DLG2: variants seen among roughly 807,000 people sequenced by gnomAD.
DLG2 encodes the protein discs large MAGUK scaffold protein 2.
In DLG2, 45 loss-of-function variants were observed where a neutral mutation model predicts 132.5. The observed-to-expected ratio is 0.34, with a 90% CI of 0.27 to 0.44. The LOEUF (loss-of-function observed/expected upper bound fraction) is 0.44. Ranked by LOEUF, DLG2 falls within the 20% of genes least tolerant of loss-of-function variation. The pLI is 1.00. For missense variants in DLG2, 1,045 were observed against 1,196.9 expected (o/e 0.87, Z 1.87); for synonymous variants, 424 against 419.6 (o/e 1.01, Z -0.13).
chr11:83,990,495 C>A (rs961751771), intron 11 of DLG2, among the ~76,000 whole-genome samples: 2 of 152,144 alleles, frequency 1.3e-5, no homozygotes, highest in African/African-American at 4.8e-5. Flanking sequence ...TCACTCTTTT[C>A]CCTTGCTGCC....
chr11:84,027,245 T>C (rs749230407), intron 11 of DLG2, among the ~76,000 whole-genome samples: 1 of 152,100 alleles, frequency 6.6e-6, no homozygotes, highest in Non-Finnish European at 1.5e-5. Flanking sequence ...TAGGATTTGG[T>C]TAAGATTTTA....
At chr11:84,750,229 G>A (rs1371319561) in intron 6 of DLG2, among the ~76,000 whole-genome samples, 4 of 152,040 alleles carry the variant, frequency 2.6e-5, no homozygotes, top group Non-Finnish European at 5.9e-5. Context: ...AGGTAAATGT[G>A]TGCCATGGTG....
At chr11:84,180,255 C>T (rs1046559403) in intron 8 of DLG2, among the ~76,000 whole-genome samples, 1 of 152,014 alleles carries the variant, frequency 6.6e-6, no homozygotes, top group African/African-American at 2.4e-5. Flanking sequence ...ACTTTTGATT[C>T]TTACGTGGCT....
chr11:85,196,911 C>T (rs1474385128), intron 4 of DLG2, among the ~76,000 whole-genome samples: 2 of 152,190 alleles, frequency 1.3e-5, no homozygotes, highest in East Asian at 1.9e-4. Context: ...TAAGTGTAAA[C>T]ACCCTTTTGT....
intron 14 of DLG2, among the ~76,000 whole-genome samples, chr11:83,937,873 ACCT>A (rs1318308728): frequency 3.9e-5 from 6 of 152,158 alleles, no homozygotes; most frequent in African/African-American, 1.2e-4. Context: ...GGAGTGTAAA[ACCT>A]CCTTAAAACA....
chr11:85,624,107 T>A (rs2081909589), intron 2 of DLG2, among the ~76,000 whole-genome samples: 1 of 152,134 alleles, frequency 6.6e-6, no homozygotes, highest in Non-Finnish European at 1.5e-5. Flanking sequence ...CTTCTGTTGA[T>A]AAAACTGAGA....
At chr11:84,963,347 A>G (rs933973578) in intron 6 of DLG2, among the ~76,000 whole-genome samples, 3 of 152,178 alleles carry the variant, frequency 2.0e-5, no homozygotes, top group African/African-American at 7.2e-5. Flanking sequence ...CAGAACAAAG[A>G]CAAACATGAA....
At chr11:83,645,393 A>G (rs1307037825) in intron 18 of DLG2, among the ~76,000 whole-genome samples, 1 of 152,140 alleles carries the variant, frequency 6.6e-6, no homozygotes, top group Non-Finnish European at 1.5e-5. Context: ...AGCAATTTAT[A>G]CACCAGAGCC....
chr11:84,146,896 A>G (rs2095105636), intron 9 of DLG2, among the ~76,000 whole-genome samples: 1 of 151,944 alleles, frequency 6.6e-6, no homozygotes, highest in Non-Finnish European at 1.5e-5. Flanking sequence ...CCTCTCTCTC[A>G]TCTCCAGTCT....
intron 18 of DLG2, among the ~76,000 whole-genome samples, chr11:83,718,261 G>T (rs2087265133): frequency 6.6e-6 from 1 of 152,136 alleles, no homozygotes; most frequent in South Asian, 2.1e-4. Flanking sequence ...TTAAGGCCAG[G>T]TGCAATGGCT....
chr11:83,607,040 G>A (rs1057165000), intron 19 of DLG2, among the ~76,000 whole-genome samples: 7 of 152,246 alleles, frequency 4.6e-5, no homozygotes, highest in Non-Finnish European at 7.3e-5. Context: ...AGCGGGCTCA[G>A]AGACTCTAGC....
At position 84,949,564 on chromosome 11, in the gene DLG2, C is replaced by T. The variant is rs374493297; in HGVS notation, c.357+162097G>A. On this transcript the variant is annotated intron_variant, in intron 6 of 27. Coordinates refer to ENST00000376104, the MANE Select transcript of DLG2 (RefSeq NM_001142699.3). Reference sequence around the variant, plus strand: ...CAGTTCAGAGACCTACCCCTAGGTGCGCATTCTCTTCCTCAGGGATATCCC... The same window carrying T: ...CAGTTCAGAGACCTACCCCTAGGTGTGCATTCTCTTCCTCAGGGATATCCC... Among the ~76,000 whole-genome samples the T allele has an allele frequency of 6.8e-4, 104 of 152,180 alleles. 1 individual carries two copies. The South Asian group carries it at 0.02, about 29-fold the overall frequency.
At chr11:85,269,965 T>C (rs1286236868) in intron 4 of DLG2, among the ~76,000 whole-genome samples, 1 of 152,194 alleles carries the variant, frequency 6.6e-6, no homozygotes, top group Non-Finnish European at 1.5e-5. Flanking sequence ...ACTTAATATA[T>C]GTAAAGCACT....
intron 3 of DLG2, among the ~76,000 whole-genome samples, chr11:85,458,335 AT>A (rs1042762357): frequency 2.0e-5 from 3 of 151,916 alleles, no homozygotes; most frequent in Non-Finnish European, 4.4e-5. Context: ...CAGCCTCTGT[AT>A]TTTTTTAATG....
At chr11:85,009,123 T>C (rs1024046103) in intron 6 of DLG2, among the ~76,000 whole-genome samples, 28 of 151,942 alleles carry the variant, frequency 1.8e-4, no homozygotes, top group African/African-American at 6.5e-4. Flanking sequence ...AAGGTCAAGA[T>C]TGTGTTGGGT....
intron 6 of DLG2, among the ~76,000 whole-genome samples, chr11:84,617,211 A>T (rs1402456264): frequency 6.6e-6 from 1 of 151,492 alleles, no homozygotes; most frequent in Non-Finnish European, 1.5e-5. Flanking sequence ...TTCAACTCCA[A>T]CTTATGAGTG....
intron 4 of DLG2, among the ~76,000 whole-genome samples, chr11:85,162,834 CTGAG>C (rs1296872740): frequency 6.6e-6 from 1 of 152,072 alleles, no homozygotes; most frequent in Non-Finnish European, 1.5e-5. Context: ...ATGGTTAATA[CTGAG>C]TGTCAACTTA....
chr11:84,147,265 C>T (rs1410854050), intron 9 of DLG2, among the ~76,000 whole-genome samples: 1 of 152,100 alleles, frequency 6.6e-6, no homozygotes, highest in Non-Finnish European at 1.5e-5. Context: ...CAATGAGCAG[C>T]TCTAGACAAA....
At chr11:83,710,559 C>T (rs1403044359) in intron 18 of DLG2, among the ~76,000 whole-genome samples, 1 of 152,094 alleles carries the variant, frequency 6.6e-6, no homozygotes, top group East Asian at 1.9e-4. Context: ...GAACAAAGAG[C>T]AGTGGTATTG....
Sources: allele counts gnomAD v4.1 joint callset (sites outside exome capture counted in the v4.1 genomes callset), GRCh38; gene constraint gnomAD v4.1.1; transcripts MANE v1.5; gene names NCBI Gene and HGNC (gene_info 2026-07-23, HGNC 2026-07-21).